Variants in RECQL observed in about 807,000 individuals in gnomAD.
The protein encoded by RECQL is ATP-dependent DNA helicase Q1.
RECQL carries 73 observed loss-of-function variants against 75.8 expected under a neutral mutation model. The ratio of observed to expected loss-of-function variants is 0.96; its 90% CI spans 0.80 to 1.17. RECQL has a LOEUF of 1.17. Ranked by LOEUF, RECQL falls within the 50% of genes most tolerant of loss-of-function variation. RECQL has a pLI of 0.00. For synonymous variants in RECQL, 248 were observed against 254.4 expected, an observed-to-expected ratio of 0.97 and a Z score of 0.24; for missense variants, 699 against 772.1, an observed-to-expected ratio of 0.91 and a Z score of 1.12.
intron 12 of RECQL, 25 bp from the exon 13 acceptor site, chr12:21,471,672 A>C (rs1434716091): frequency 1.3e-6 from 2 of 1,575,858 alleles, no homozygotes; most frequent in East Asian, 4.5e-5. Context: ...ATATGGTAGC[A>C]GGTAATTAGG....
At chr12:21,478,546 GT>G (rs1943130348) in intron 6 of RECQL, among the ~76,000 whole-genome samples, 1 of 152,144 alleles carries the variant, frequency 6.6e-6, no homozygotes, top group South Asian at 2.1e-4. Flanking sequence ...ATGAGCAGAA[GT>G]TCACTAGGAA....
Position 21,477,831 on chromosome 12 carries a change from G to T in RECQL, c.839C>A (p.Ser280Tyr), listed in dbSNP as rs748146458. 3.1e-6 allele frequency: 5 copies of T among 1,612,804 alleles called. No individual in the cohort carries two copies. The East Asian group carries it at 6.7e-5, about 22-fold the overall frequency. The part of the protein sequence containing the change: ...CIEKCFTFTA[S>Y]FNRPNLYYEV... ...ATAATATAGATTTGGCCTATTAAAA[G>T]AAGCTGTAAAAGTAAAACACTTTTC... The change falls in exon 7 of 15, where the codon TCT becomes TAT. Residue 280 changes from serine to tyrosine, a missense_variant. This residue lies in a region of RECQL where 669 missense variants were observed against 713.5 expected (regional missense o/e 0.94). Coordinates refer to ENST00000444129, the MANE Select transcript of RECQL (RefSeq NM_002907.4).
chr12:21,476,600 G>C (rs1350852307), intron 8 of RECQL, among the ~76,000 whole-genome samples: 1 of 151,888 alleles, frequency 6.6e-6, no homozygotes, highest in Non-Finnish European at 1.5e-5. Flanking sequence ...CCACTATTTT[G>C]TACACAGTGG....
chr12:21,482,441 G>A (rs1943209203), intron 6 of RECQL, among the ~76,000 whole-genome samples: 1 of 152,122 alleles, frequency 6.6e-6, no homozygotes, highest in East Asian at 1.9e-4. Flanking sequence ...TTGAAATAGG[G>A]ACAAGTATAA....
At chr12:21,475,872 G>A (rs921445666) in intron 8 of RECQL, 48 bp from the exon 9 acceptor site, 2 of 1,486,684 alleles carry the variant, frequency 1.3e-6, no homozygotes, top group African/African-American at 1.4e-5. Context: ...CATATTCCTG[G>A]AAGATGGTTT....
chr12:21,479,067 C>T (rs1354817043), intron 6 of RECQL, among the ~76,000 whole-genome samples: 1 of 152,158 alleles, frequency 6.6e-6, no homozygotes, highest in Non-Finnish European at 1.5e-5. Flanking sequence ...AGCTCCGCCT[C>T]GTCCTCCTGC....
In RECQL at chr12:21,471,072, G is replaced by A. The variant is rs1248986058; in HGVS notation, c.1694C>T (p.Ala565Val). 1 of 1,597,004 alleles carries A rather than the reference G, an allele frequency of 6.3e-7. No individual in the cohort carries two copies. ...TCCTATTTTCAAATACGAAATGGTA[G>A]CATAAGCTGTAAAACTGTAGTCTTC... is the stretch of plus-strand genomic sequence containing the variant. ...LKEDYSFTAY[A>V]TISYLKIGPK... The change falls in exon 14 of 15, where the codon GCT (alanine) becomes GTT (valine). Residue 565 changes from alanine to valine, a missense_variant. Around this residue, in one of 2 missense-constraint regions of RECQL, gnomAD observed 669 missense variants for 713.5 expected, o/e 0.94. Coordinates refer to ENST00000444129, the MANE Select transcript of RECQL (RefSeq NM_002907.4).
intron 6 of RECQL, among the ~76,000 whole-genome samples, chr12:21,478,948 A>C (rs1943138257): frequency 6.6e-6 from 1 of 152,162 alleles, no homozygotes; most frequent in South Asian, 2.1e-4. Context: ...CAGCAGACCC[A>C]CAGAGGCGAT....
At chr12:21,486,881 C>G (rs1266607797) in intron 4 of RECQL, among the ~76,000 whole-genome samples, 1 of 151,796 alleles carries the variant, frequency 6.6e-6, no homozygotes, top group Non-Finnish European at 1.5e-5. Flanking sequence ...CTGTGTTGCC[C>G]AGGCTGGTCT....
intron 8 of RECQL, 84 bp downstream of exon 8, chr12:21,476,827 G>T (rs757905490): frequency 3.7e-5 from 27 of 728,446 alleles, no homozygotes; most frequent in Non-Finnish European, 5.6e-5. Context: ...GTGTTATTCA[G>T]TTATCAGTAT....
chr12:21,476,026 G>C lies in RECQL; in HGVS notation c.950-202C>G, dbSNP rs144482998. On this transcript the variant is annotated intron_variant, in intron 8 of 14. Transcript: ENST00000444129. The stretch of plus-strand genomic sequence containing the variant: ...CCAGCTTCCTTTAAAGCAGAAATGA[G>C]CCTGAGCCATCAGTTTTTGTTCCTG... Among the ~76,000 whole-genome samples, 24 of 152,068 alleles carry C rather than the reference G, an allele frequency of 1.6e-4. No homozygotes were observed. The East Asian group carries it at 4.6e-3, about 29-fold the overall frequency.
rs1235306390 is a variant in RECQL, at chr12:21,471,631, G to A, written c.1464C>T (p.Asn488=). 5 of 1,612,208 alleles carry A rather than the reference G, an allele frequency of 3.1e-6. No individual in the cohort carries two copies. The highest frequency in any genetic ancestry group is 2.5e-6 in the Non-Finnish European group (3 of 1,178,686). ...CCKDSAFERK[N]ITEYCRDLIK... is the part of the protein sequence containing the mutation. ...TTAGATCTCTGCAGTACTCTGTTAT[G>A]TTCTTTCTTTCAAATGCTGTAATAA... Residue 488 remains asparagine, a synonymous_variant, in exon 13 of 15, where the codon AAC becomes AAT. Coordinates refer to ENST00000444129, the MANE Select transcript of RECQL (RefSeq NM_002907.4).
intron 10 of RECQL, 21 bp downstream of exon 10, chr12:21,475,447 C>A (rs201335824): frequency 6.8e-7 from 1 of 1,476,088 alleles, no homozygotes; most frequent in Admixed American, 1.9e-5. Flanking sequence ...AAATTTACTT[C>A]TGGATTTGAG....
intron 6 of RECQL, among the ~76,000 whole-genome samples, chr12:21,479,932 A>T (rs1943161259): frequency 6.6e-6 from 1 of 152,200 alleles, no homozygotes; most frequent in Non-Finnish European, 1.5e-5. Context: ...TCATCAATAG[A>T]TAAATGTTGA....
chr12:21,476,827 G>A (rs757905490), intron 8 of RECQL, 84 bp downstream of exon 8: 3 of 728,564 alleles, frequency 4.1e-6, no homozygotes, highest in African/African-American at 1.8e-5. Flanking sequence ...GTGTTATTCA[G>A]TTATCAGTAT....
Position 21,491,792 on chromosome 12 carries a change from G to T in RECQL, c.17-76C>A. 5 of 1,277,592 alleles carry T rather than the reference G, an allele frequency of 3.9e-6. No individual in the cohort carries two copies. In the South Asian group the frequency reaches 6.0e-5, roughly 15 times the overall value. 79.1% of individuals were successfully genotyped at this position (1,277,592 alleles called of 1,614,324 possible). A position where few individuals can be genotyped will look rare whatever the true frequency, so the allele number is the denominator to read the frequency against. On this transcript the variant is annotated intron_variant, in intron 2 of 14. Coordinates refer to ENST00000444129, the MANE Select transcript of RECQL (RefSeq NM_002907.4). The stretch of plus-strand genomic sequence containing the variant: ...TAGGTTTCCAGATTGATTTCTGGGT[G>T]TTGCCCGCCATATCAATTACAGACA...
intron 7 of RECQL, 137 bp from the exon 8 acceptor site, chr12:21,477,129 T>G (rs981165141): frequency 5.5e-6 from 3 of 549,686 alleles, no homozygotes; most frequent in African/African-American, 3.9e-5. Context: ...ACTCACAGGA[T>G]TCAACCCATC....
rs1565566256 is a variant in RECQL, at chr12:21,477,923, T to C, written c.747A>G (p.Ser249=). The C allele has an allele frequency of 6.2e-7, 1 of 1,613,710 alleles. No individual in the cohort carries two copies. Among genetic ancestry groups the C allele is most frequent in the Admixed American group, 1.7e-5 (1 of 59,948 alleles). Residue 249 remains serine, a synonymous_variant, in exon 7 of 15, where the codon TCA becomes TCG. Transcript: ENST00000444129. ...TTGCAGTTGCAGTCAGCCCAATTAG[T>C]GATGCGTTAGGGAACTGCCGCTTTA... The part of the protein sequence containing the change: ...GILKRQFPNA[S]LIGLTATATN...
rs758401375 is a variant in RECQL, at chr12:21,477,938, C to T, written c.732G>A (p.Gln244=). 3.7e-6 allele frequency: 6 copies of T among 1,611,856 alleles called. No individual in the cohort carries two copies. The Admixed American group carries it at 1.0e-4, about 27-fold the overall frequency. Residue 244 remains glutamine, a synonymous_variant, in exon 7 of 15, where the codon CAG becomes CAA. Coordinates refer to ENST00000444129, the MANE Select transcript of RECQL (RefSeq NM_002907.4). The part of the protein sequence containing the change: ...DYKALGILKR[Q]FPNASLIGLT... ...GCCCAATTAGTGATGCGTTAGGGAACTGCCGCTTTAAGATACCAAGTGCCT... is the reference window on the plus strand; with the variant it reads ...GCCCAATTAGTGATGCGTTAGGGAATTGCCGCTTTAAGATACCAAGTGCCT...
Sources: allele counts gnomAD v4.1 joint callset (sites outside exome capture counted in the v4.1 genomes callset), GRCh38; gene constraint gnomAD v4.1.1; regional missense constraint gnomAD v4.1.1; transcripts MANE v1.5; gene names NCBI Gene and HGNC (gene_info 2026-07-23, HGNC 2026-07-21).